OGFOD2: variants seen among roughly 807,000 people sequenced by gnomAD.
OGFOD2 encodes 2-oxoglutarate and iron dependent oxygenase domain containing 2.
In OGFOD2, 34 loss-of-function variants were observed where a neutral mutation model predicts 31.1. That is an observed-to-expected ratio of 1.09 (90% CI 0.83 to 1.45). The LOEUF is 1.45. Among genes scored for constraint, OGFOD2 ranks in the 40% most tolerant of loss-of-function variants. The pLI, the probability that OGFOD2 is intolerant of heterozygous loss-of-function variation, is 0.00. For synonymous variants in OGFOD2, 240 were observed against 192.3 expected (o/e 1.25, Z -2.05); for missense variants, 537 against 433.9 (o/e 1.24, Z -2.11).
exon 7 of OGFOD2, chr12:122,979,293 GATGGCT>G: frequency 6.2e-7 from 1 of 1,612,822 alleles, no homozygotes. Context: ...GGGCTTCGGT[GATGGCT>G]TCACCCGAGA....
At chr12:122,976,501 C>T in intron 2 of OGFOD2, 153 bp from the exon 3 acceptor site, 1 of 1,412,002 alleles carries the variant, frequency 7.1e-7, no homozygotes, top group Non-Finnish European at 1.0e-6. Flanking sequence ...CAGTCTGGAA[C>T]TTGCAGTTGA....
exon 7 of OGFOD2, chr12:122,979,146 C>T (rs1367864700): frequency 1.4e-5 from 23 of 1,608,992 alleles, no homozygotes; most frequent in Admixed American, 6.7e-5. Context: ...TGTCCTCCAC[C>T]GTGGCGGCCA....
At chr12:122,979,846 C>G (rs966870683) in exon 7 of OGFOD2, 1 of 222,538 alleles carries the variant, frequency 4.5e-6, no homozygotes, top group Non-Finnish European at 8.7e-6. Flanking sequence ...CCAGTAGCAT[C>G]TTCTAGATGG....
At chr12:122,976,438 T>G in intron 2 of OGFOD2, 1 of 1,610,140 alleles carries the variant, frequency 6.2e-7, no homozygotes, top group Non-Finnish European at 8.5e-7. Context: ...TAGGCTCAGG[T>G]TGGGGCAGCC....
Position 122,978,833 on chromosome 12 carries a change from G to GC in OGFOD2, c.613dup (p.Leu205ProfsTer4), listed in dbSNP as rs778814746. 49 of 1,612,746 alleles carry GC rather than the reference G, an allele frequency of 3.0e-5. No individual in the cohort carries two copies. Among genetic ancestry groups the GC allele is most frequent in the Non-Finnish European group, 3.9e-5 (46 of 1,179,924 alleles). ...GCTTCCTGCAGCCGCTGATGGCCCT[G>GC]CTGTACCCTGACTGTGGCGGGGGCC... On this transcript the variant is annotated frameshift_variant, in exon 6 of 7. Coordinates refer to ENST00000228922, the Ensembl canonical transcript of OGFOD2. LOFTEE classifies it high-confidence loss of function.
intron 4 of OGFOD2, 115 bp from the exon 5 acceptor site, chr12:122,978,327 C>T (rs751457621): frequency 3.1e-5 from 42 of 1,351,882 alleles, no homozygotes; most frequent in Non-Finnish European, 4.1e-5. Flanking sequence ...CACAATAGCC[C>T]TGAAAAGCAA....
intron 2 of OGFOD2, chr12:122,976,116 A>G (rs1163894953): frequency 5.0e-6 from 3 of 594,396 alleles, no homozygotes; most frequent in African/African-American, 1.9e-5. Context: ...AAGCACAAGC[A>G]CCACTCTCAT....
rs1260920830 is a variant in OGFOD2 at position 122,979,308 on chromosome 12, G to C, written c.1015G>C (p.Glu339Gln). Reference sequence around the variant, plus strand: ...GGGCTTCGGTGATGGCTTCACCCGAGAGGAGCCCGCCACGGTGGATGTATG... The same window carrying C: ...GGGCTTCGGTGATGGCTTCACCCGACAGGAGCCCGCCACGGTGGATGTATG... Residue 339 changes from glutamate (E) to glutamine (Q), a missense_variant, in exon 7 of 7, where the codon GAG becomes CAG. Glu to Gln is a conservative substitution (Grantham distance 29, BLOSUM62 2). Transcript: ENST00000228922. 7 of 1,612,406 alleles carry C rather than the reference G, an allele frequency of 4.3e-6. No individual in the cohort carries two copies. Among genetic ancestry groups the C allele is most frequent in the Non-Finnish European group, 5.1e-6 (6 of 1,179,850 alleles).
At chr12:122,977,256 C>G in intron 4 of OGFOD2, 4 of 440,126 alleles carry the variant, frequency 9.1e-6, no homozygotes, top group South Asian at 7.8e-5. Flanking sequence ...CTGGCACACT[C>G]AAACAGGGCT....
In OGFOD2 at chr12:122,979,086, C is replaced by T. The variant is rs150111655; in HGVS notation, c.793C>T (p.Pro265Ser). 109 of 1,596,762 alleles carry T rather than the reference C, an allele frequency of 6.8e-5. No homozygotes were observed. The highest frequency in any genetic ancestry group is 6.7e-4 in the Middle Eastern group (4 of 5,978). ...GCCTGAGTCGTGCCATCTGCAGGCA[C>T]CCACAGCCCTGACGGAGCCCCTGGA... The change falls in exon 7 of 7, where the codon CCC becomes TCC. Residue 265 changes from proline to serine, a missense_variant. By Grantham distance (74) the Pro-to-Ser change is moderately conservative. Transcript: ENST00000228922.
At chr12:122,977,202 C>A (rs2037461443) in intron 4 of OGFOD2, 1 of 562,520 alleles carries the variant, frequency 1.8e-6, no homozygotes, top group South Asian at 1.8e-5. Context: ...TCCTTCGTGC[C>A]CTCATCCAGC....
exon 1 of OGFOD2, chr12:122,975,338 C>G (rs2037382448): frequency 2.8e-6 from 2 of 701,992 alleles, no homozygotes; most frequent in Non-Finnish European, 5.2e-6. Flanking sequence ...ATGGGCTGCA[C>G]GTGCGCTTCC....
chr12:122,975,940 C>T, intron 2 of OGFOD2, 73 bp downstream of exon 2: 2 of 685,200 alleles, frequency 2.9e-6, no homozygotes, highest in Non-Finnish European at 5.4e-6. Context: ...ACAGCTTGAG[C>T]CTAGCCTCAG....
intron 3 of OGFOD2, 47 bp from the exon 4 acceptor site, chr12:122,976,824 G>A (rs2037448094): frequency 6.3e-7 from 1 of 1,597,216 alleles, no homozygotes; most frequent in Non-Finnish European, 8.6e-7. Context: ...GTAGCATCCA[G>A]GGCTGGGGGT....
chr12:122,976,512 C>G lies in OGFOD2; in HGVS notation c.190-142C>G, dbSNP rs2037435305. On this transcript the variant is annotated intron_variant, in intron 2 of 6. Coordinates refer to ENST00000228922, the Ensembl canonical transcript of OGFOD2. Reference sequence around the variant, plus strand: ...CTAACAGTCTGGAACTTGCAGTTGACCCAGATAGATTCAGGAGTGTAGGCT... The same window carrying G: ...CTAACAGTCTGGAACTTGCAGTTGAGCCAGATAGATTCAGGAGTGTAGGCT... 4 of 1,360,618 alleles carry G rather than the reference C, an allele frequency of 2.9e-6. No individual in the cohort carries two copies. In the Admixed American group the frequency reaches 5.5e-5, roughly 19 times the overall value. The allele number at this position is 1,360,618 out of a possible 1,614,324, so 84.3% of individuals were successfully genotyped here.
upstream of OGFOD2, chr12:122,975,102 G>T (rs970895094): frequency 3.9e-6 from 2 of 508,922 alleles, no homozygotes; most frequent in Non-Finnish European, 3.6e-6. Context: ...ATCTTTCTCC[G>T]CAGACCGTTT....
At chr12:122,979,134 G>C in exon 7 of OGFOD2, 1 of 1,606,442 alleles carries the variant, frequency 6.2e-7, no homozygotes, top group Non-Finnish European at 8.5e-7. Context: ...GGTGGGCCAG[G>C]GTGTCCTCCA....
At chr12:122,977,049 T>C (rs1311302358) in intron 4 of OGFOD2, 79 bp downstream of exon 4, 1 of 1,360,810 alleles carries the variant, frequency 7.3e-7, no homozygotes, top group Non-Finnish European at 1.0e-6. Context: ...CTGGGGTCCC[T>C]CCAGCCACCA....
At chr12:122,977,035 G>T (rs750756129) in intron 4 of OGFOD2, 65 bp downstream of exon 4, 22 of 1,479,782 alleles carry the variant, frequency 1.5e-5, no homozygotes, top group Non-Finnish European at 2.0e-5. Context: ...CTGGGTGTGG[G>T]ATGCTGGGGT....
Sources: allele counts gnomAD v4.1 joint callset, GRCh38; gene constraint gnomAD v4.1.1; transcripts MANE v1.5; gene names NCBI Gene and HGNC (gene_info 2026-07-23, HGNC 2026-07-21).